Variants in SLC49A3 observed in about 807,000 individuals in gnomAD.
SLC49A3 encodes solute carrier family 49 member A3.
In SLC49A3, 50 loss-of-function variants were observed where a neutral mutation model predicts 43.8. That is an observed-to-expected ratio of 1.14 (90% confidence interval 0.91 to 1.45). SLC49A3 has a LOEUF of 1.45. Among genes scored for constraint, SLC49A3 ranks in the 40% most tolerant of loss-of-function variants. SLC49A3 has a pLI of 0.00. For missense variants in SLC49A3, 906 were observed against 774.1 expected (o/e 1.17, Z -2.02); for synonymous variants, 413 against 352.0 (o/e 1.17, Z -1.94).
Position 682,119 on chromosome 4 carries a change from G to T in SLC49A3, c.1519C>A (p.Pro507Thr), listed in dbSNP as rs1739829034. The change falls in exon 10 of 10, where the codon CCC becomes ACC. Residue 507 changes from proline to threonine, a missense_variant. By Grantham distance (38) the Pro-to-Thr change is conservative. Coordinates refer to ENST00000322224, the MANE Select transcript of SLC49A3 (RefSeq NM_032219.4). ...GTCGCTCGGTGGCAGGCTGGGTGGG[G>T]GCTCCCGGGCCCTCTGGGGTCCTCT... is the stretch of plus-strand genomic sequence containing the variant. Reference protein sequence around the residue: ...SLEDPRGPGSPHPACHRATPR... With the variant: ...SLEDPRGPGSTHPACHRATPR... 7 of 1,355,002 alleles carry T rather than the reference G, an allele frequency of 5.2e-6. No individual in the cohort carries two copies. The South Asian group carries it at 7.3e-5, about 14-fold the overall frequency. The allele number at this position is 1,355,002 out of a possible 1,614,324, so 83.9% of individuals were successfully genotyped here. A position where few individuals can be genotyped will look rare whatever the true frequency, so the allele number is the denominator to read the frequency against.
chr4:686,723 C>T, intron 1 of SLC49A3, 33 bp from the exon 2 acceptor site: 1 of 1,600,940 alleles, frequency 6.2e-7, no homozygotes, highest in Non-Finnish European at 8.5e-7. Context: ...AGCGCAGGGC[C>T]ACAGACCCCG....
At chr4:682,718 C>T in intron 9 of SLC49A3, 63 bp downstream of exon 9, 2 of 1,360,236 alleles carry the variant, frequency 1.5e-6, no homozygotes, top group Admixed American at 2.3e-5. Context: ...GTCCCGCTCC[C>T]AGGGAATCTT....
chr4:686,531 C>T lies in SLC49A3; in HGVS notation c.294+1G>A. Reference sequence around the variant, plus strand: ...GGGCCATGGTGTGGGGTCTGACTCACCGCCGCACGGAGCCCGACGGAGTCC... The same window carrying T: ...GGGCCATGGTGTGGGGTCTGACTCATCGCCGCACGGAGCCCGACGGAGTCC... On this transcript the variant is annotated splice_donor_variant, in intron 2 of 9. Coordinates refer to ENST00000322224, the MANE Select transcript of SLC49A3 (RefSeq NM_032219.4). LOFTEE classifies it high-confidence loss of function. The T allele has an allele frequency of 8.7e-6, 14 of 1,611,644 alleles. No individual in the cohort carries two copies. The highest frequency in any genetic ancestry group is 2.2e-5 in the East Asian group (1 of 44,878).
At chr4:678,098 C>T (rs58227539), downstream of SLC49A3, 204,518 of 1,599,704 alleles carry the variant, frequency 0.13, 13,600 homozygotes, top group African/African-American at 0.18. Context: ...TGTGTACATG[C>T]GCACAGACGA....
At chr4:686,331 A>G in intron 2 of SLC49A3, 29 bp from the exon 3 acceptor site, 1 of 1,608,212 alleles carries the variant, frequency 6.2e-7, no homozygotes, top group Non-Finnish European at 8.5e-7. Context: ...GGACCGGGTC[A>G]GGAACGCTGC....
chr4:678,820 A>T, downstream of SLC49A3: 1 of 1,608,474 alleles, frequency 6.2e-7, no homozygotes, highest in Non-Finnish European at 8.5e-7. Flanking sequence ...TGTGCTGGGA[A>T]GACCCCATGT....
chr4:683,979 G>C (rs527239309), intron 6 of SLC49A3, among the ~76,000 whole-genome samples: 1 of 152,080 alleles, frequency 6.6e-6, no homozygotes, highest in African/African-American at 2.4e-5. Context: ...AAAGGGAAGA[G>C]CCTGTCTCCA....
downstream of SLC49A3, chr4:679,219 C>A: frequency 1.4e-6 from 1 of 710,664 alleles, no homozygotes. Flanking sequence ...TGGCAGAGAG[C>A]ATCCCAGGGT....
downstream of SLC49A3, chr4:680,520 G>A (rs369784548): frequency 9.3e-6 from 15 of 1,613,278 alleles, 1 homozygote; most frequent in South Asian, 8.8e-5. Flanking sequence ...TACCGACGCC[G>A]AGGAGACCAT....
downstream of SLC49A3, chr4:678,557 A>T (rs1739093831): frequency 4.0e-6 from 6 of 1,491,734 alleles, no homozygotes; most frequent in Middle Eastern, 2.3e-4. Flanking sequence ...CGAAGGGCTG[A>T]GGTCCACCCT....
intron 6 of SLC49A3, 90 bp from the exon 7 acceptor site, chr4:683,851 T>C (rs747760076): frequency 1.5e-4 from 210 of 1,433,944 alleles, no homozygotes; most frequent in Non-Finnish European, 1.9e-4. Context: ...TGTAGGGCCG[T>C]GTGCTGTGCC....
downstream of SLC49A3, among the ~76,000 whole-genome samples, chr4:679,386 C>T (rs1266959876): frequency 6.6e-6 from 1 of 151,544 alleles, no homozygotes; most frequent in South Asian, 2.1e-4. Flanking sequence ...GCATGGAGAC[C>T]CTGCCCGGCC....
At chr4:683,389 G>A (rs1740249244) in intron 7 of SLC49A3, 22 bp from the exon 8 acceptor site, 1 of 1,601,298 alleles carries the variant, frequency 6.2e-7, no homozygotes, top group Non-Finnish European at 8.5e-7. Context: ...GGAACGGCAG[G>A]CAGACAGGTG....
chr4:691,537 G>A (rs1741887996), upstream of SLC49A3, among the ~76,000 whole-genome samples: 1 of 151,836 alleles, frequency 6.6e-6, no homozygotes, highest in Non-Finnish European at 1.5e-5. Context: ...AGAGGTTGCA[G>A]TGAGCTAAGA....
Position 687,553 on chromosome 4 carries a change from G to A in SLC49A3, c.136-863C>T, listed in dbSNP as rs117246597. On this transcript the variant is annotated intron_variant, in intron 1 of 9. Coordinates refer to ENST00000322224, the MANE Select transcript of SLC49A3 (RefSeq NM_032219.4). ...GCCCGGGAGAGAAAGCCCACCCTGCGGAGCCGAGCCCGCCGCTCCAGCCTC... is the reference window on the plus strand; with the variant it reads ...GCCCGGGAGAGAAAGCCCACCCTGCAGAGCCGAGCCCGCCGCTCCAGCCTC... 3.4e-3 allele frequency among the ~76,000 whole-genome samples: 515 copies of A among 152,312 alleles called. 8 individuals are homozygous for A. In the East Asian group the frequency reaches 0.052, roughly 15 times the overall value.
At chr4:678,686 G>A (rs907517791), downstream of SLC49A3, 3 of 1,611,038 alleles carry the variant, frequency 1.9e-6, no homozygotes, top group East Asian at 6.7e-5. Context: ...AAGAAGGAAG[G>A]GGGTGCCCTC....
chr4:686,723 C>A (rs184530228), intron 1 of SLC49A3, 33 bp from the exon 2 acceptor site: 2 of 1,600,938 alleles, frequency 1.2e-6, no homozygotes, highest in African/African-American at 2.7e-5. Context: ...AGCGCAGGGC[C>A]ACAGACCCCG....
At position 683,662 on chromosome 4, in the gene SLC49A3, C is replaced by T. The variant is rs1162861527; in HGVS notation, c.940G>A (p.Ala314Thr). The part of the protein sequence containing the change: ...YVDRTKHFTE[A>T]TKIGLCLFSL... ...AACAGGCACAGGCCAATCTTGGTGG[C>T]CTCAGTGAAGTGCTTGGTCCGGTCC... Residue 314 changes from alanine (A) to threonine (T), a missense_variant, in exon 7 of 10, where the codon GCC becomes ACC. Physicochemically the swap from Ala to Thr is moderately conservative, Grantham distance 58. Transcript: ENST00000322224. 1.2e-6 allele frequency: 2 copies of T among 1,611,062 alleles called. No individual in the cohort carries two copies. The highest frequency in any genetic ancestry group is 1.7e-6 in the Non-Finnish European group (2 of 1,179,150).
In SLC49A3 at chr4:683,741, G is replaced by T. The variant is rs139328194; in HGVS notation, c.861C>A (p.Gly287=). Residue 287 remains glycine (G), a synonymous_variant, in exon 7 of 10, where the codon GGC becomes GGA. Transcript: ENST00000322224. The stretch of plus-strand genomic sequence containing the variant: ...GGATCCCAAACGTGATGAAGAGAGC[G>T]CCACAGAGGCCGGAAAACCCCTGGA... The part of the protein sequence containing the change: ...GHSSGFSGLC[G]ALFITFGILG... 6.4e-6 allele frequency: 10 copies of T among 1,572,220 alleles called. No homozygotes were observed. The highest frequency in any genetic ancestry group is 8.6e-6 in the Non-Finnish European group (10 of 1,158,386).
Sources: gnomAD v4.1 joint callset for allele counts (sites outside exome capture counted in the v4.1 genomes callset) on GRCh38, gnomAD v4.1.1 for gene constraint, MANE v1.5 for transcripts, NCBI Gene and HGNC (gene_info 2026-07-23, HGNC 2026-07-21) for gene names.